The following ATP10B variants were observed in gnomAD, a reference collection of about 807,000 sequenced individuals.
ATP10B encodes the protein phospholipid-transporting ATPase VB.
In ATP10B, 122 loss-of-function variants were observed where a neutral mutation model predicts 141.2. That is an observed-to-expected ratio of 0.86 (90% CI 0.75 to 1.00). The LOEUF (loss-of-function observed/expected upper bound fraction) is 1.00, where lower values mean the gene tolerates loss of function less well. Among genes scored for constraint, ATP10B ranks in the 50% least tolerant of loss-of-function variants. The pLI is 0.00. For synonymous variants in ATP10B, 685 were observed against 692.0 expected (o/e 0.99, Z 0.16); for missense variants, 1,876 against 1,825.3 (o/e 1.03, Z -0.51).
intron 2 of ATP10B, among the ~76,000 whole-genome samples, chr5:160,724,315 T>C (rs1215051437): frequency 1.4e-5 from 2 of 145,368 alleles, no homozygotes; most frequent in Non-Finnish European, 3.0e-5. Flanking sequence ...TGAAATGCAG[T>C]GATGTAATCA....
chr5:160,893,164 A>G, the ATP10B span, among the ~76,000 whole-genome samples: 1,897 of 151,588 alleles, frequency 0.013, 40 homozygotes, highest in African/African-American at 0.044. Flanking sequence ...TTTTTTTCAT[A>G]CCCAAGTGGC....
chr5:160,857,132 A>C (rs1216464031), upstream of ATP10B, among the ~76,000 whole-genome samples: 2 of 151,774 alleles, frequency 1.3e-5, no homozygotes, highest in African/African-American at 4.8e-5. Flanking sequence ...ACAGAATTTG[A>C]ATTAATTTTT....
the ATP10B span, among the ~76,000 whole-genome samples, chr5:160,902,005 C>T: frequency 2.6e-5 from 4 of 152,164 alleles, no homozygotes; most frequent in Non-Finnish European, 2.9e-5. Flanking sequence ...TCAGAGACCA[C>T]GATCCAAGCT....
At position 160,852,089 on chromosome 5, in the gene ATP10B, G is replaced by A. The variant is rs1753846391; in HGVS notation, c.-724C>T. The A allele has an allele frequency of 6.6e-6, 1 of 152,086 alleles. No individual in the cohort carries two copies. The highest frequency in any genetic ancestry group is 2.4e-5 in the African/African-American group (1 of 41,396). The allele number at this position is 152,086 out of a possible 1,614,324, so 9.4% of individuals were successfully genotyped here. ...TTCTGATTATATCTGATTATGTCAA[G>A]GCAAGGCCTCAAGCTAACACTCCCT... On this transcript the variant is annotated 5_prime_UTR_variant, in exon 1 of 26. Transcript: ENST00000327245.
intron 1 of ATP10B, among the ~76,000 whole-genome samples, chr5:160,818,907 C>G (rs769430355): frequency 6.6e-6 from 1 of 152,078 alleles, no homozygotes; most frequent in Non-Finnish European, 1.5e-5. Context: ...GGACAAAAAA[C>G]CAAATACCAC....
chr5:160,868,782 A>G, the ATP10B span, among the ~76,000 whole-genome samples: 1 of 152,132 alleles, frequency 6.6e-6, no homozygotes, highest in Admixed American at 6.6e-5. Flanking sequence ...ATTTGATAGG[A>G]GGGTCCTGGA....
chr5:160,808,621 T>G (rs1772943595), intron 1 of ATP10B, among the ~76,000 whole-genome samples: 1 of 152,248 alleles, frequency 6.6e-6, no homozygotes. Flanking sequence ...TGGAATGTTC[T>G]GCCCCAAACT....
chr5:160,684,588 T>C (rs770963237), intron 6 of ATP10B, among the ~76,000 whole-genome samples: 27 of 152,182 alleles, frequency 1.8e-4, no homozygotes, highest in Non-Finnish European at 3.7e-4. Flanking sequence ...TGTTAAATGT[T>C]AGACACATTT....
At chr5:160,833,347 T>C (rs1393929063) in intron 1 of ATP10B, among the ~76,000 whole-genome samples, 2 of 152,130 alleles carry the variant, frequency 1.3e-5, no homozygotes, top group Non-Finnish European at 1.5e-5. Context: ...GCCTTCAAAT[T>C]GTTTGATGGT....
chr5:160,804,878 T>C (rs552874410), intron 1 of ATP10B, among the ~76,000 whole-genome samples: 14 of 152,204 alleles, frequency 9.2e-5, no homozygotes, highest in Non-Finnish European at 1.6e-4. Context: ...TGCAAGAGAT[T>C]GGTTTCAGTA....
At chr5:160,580,107 C>G (rs927342317) in intron 24 of ATP10B, among the ~76,000 whole-genome samples, 4 of 152,208 alleles carry the variant, frequency 2.6e-5, no homozygotes, top group Admixed American at 6.5e-5. Context: ...TATCTGCAAA[C>G]AGAGACAATT....
At chr5:160,701,222 T>C (rs570004737) in intron 3 of ATP10B, among the ~76,000 whole-genome samples, 38 of 152,340 alleles carry the variant, frequency 2.5e-4, no homozygotes, top group African/African-American at 8.9e-4. Flanking sequence ...CTGATTTTAA[T>C]TTCCCTCAGA....
chr5:160,685,077 G>A (rs1050787408), intron 6 of ATP10B: 7 of 703,516 alleles, frequency 1.0e-5, no homozygotes, highest in East Asian at 2.7e-5. Flanking sequence ...ACAACACGGT[G>A]TACTTGCTGG....
intron 2 of ATP10B, among the ~76,000 whole-genome samples, chr5:160,754,920 G>T (rs1005175316): frequency 2.0e-5 from 3 of 152,124 alleles, no homozygotes; most frequent in Admixed American, 6.5e-5. Context: ...GTATATTTAA[G>T]GTATAATACA....
At chr5:160,684,941 T>C (rs72818539) in intron 6 of ATP10B, 9,931 of 703,324 alleles carry the variant, frequency 0.014, 120 homozygotes, top group Non-Finnish European at 0.016. Flanking sequence ...ATAACACAGA[T>C]TGGTATCATG....
intron 2 of ATP10B, among the ~76,000 whole-genome samples, chr5:160,733,279 G>A (rs1342639079): frequency 6.6e-6 from 1 of 152,014 alleles, no homozygotes; most frequent in Non-Finnish European, 1.5e-5. Context: ...ATGATGTGAA[G>A]AATAGAGAGT....
chr5:160,756,990 C>T (rs1768668610), intron 2 of ATP10B, among the ~76,000 whole-genome samples: 1 of 151,952 alleles, frequency 6.6e-6, no homozygotes, highest in South Asian at 2.1e-4. Flanking sequence ...ACAGTTCACG[C>T]TTTCTTGTTG....
chr5:160,637,129 T>TCTCCATCC (rs1554098826), intron 10 of ATP10B, among the ~76,000 whole-genome samples: 1 of 146,554 alleles, frequency 6.8e-6, no homozygotes, highest in South Asian at 2.2e-4. Flanking sequence ...TCTATCCATC[T>TCTCCATCC]ATCCATCCAT....
chr5:160,662,540 T>A (rs1762012377), intron 7 of ATP10B, among the ~76,000 whole-genome samples: 1 of 152,164 alleles, frequency 6.6e-6, no homozygotes, highest in Non-Finnish European at 1.5e-5. Context: ...AAACAAGCAA[T>A]GGGGAAAGGA....
Sources: gnomAD v4.1 joint callset for allele counts (sites outside exome capture counted in the v4.1 genomes callset) on GRCh38, gnomAD v4.1.1 for gene constraint, MANE v1.5 for transcripts, NCBI Gene and HGNC (gene_info 2026-07-23, HGNC 2026-07-21) for gene names.